The following SLC9A9 variants were observed in gnomAD, a reference collection of about 807,000 sequenced individuals.
SLC9A9 encodes sodium/hydrogen exchanger 9.
SLC9A9 carries 62 observed loss-of-function variants against 77.8 expected under a neutral mutation model. That is an observed-to-expected ratio of 0.80 (90% CI 0.65 to 0.98). SLC9A9 has a LOEUF of 0.98. SLC9A9 is among the 50% of genes least tolerant of loss of function. The pLI is 0.00. For synonymous variants in SLC9A9, 320 were observed against 283.5 expected, an observed-to-expected ratio of 1.13 and a Z score of -1.29; for missense variants, 775 against 774.9, an observed-to-expected ratio of 1.00 and a Z score of 0.00.
At chr3:143,679,602 A>C (rs577945070) in intron 5 of SLC9A9, among the ~76,000 whole-genome samples, 1 of 152,318 alleles carries the variant, frequency 6.6e-6, no homozygotes, top group South Asian at 2.1e-4. Context: ...TCCACAGTTA[A>C]TGTGTTCTGA....
At chr3:143,645,875 G>A (rs1001346333) in intron 6 of SLC9A9, among the ~76,000 whole-genome samples, 2 of 151,902 alleles carry the variant, frequency 1.3e-5, no homozygotes, top group Non-Finnish European at 2.9e-5. Flanking sequence ...CCAAGAGTCA[G>A]CTGTTTAATG....
At chr3:143,771,633 T>C (rs951862682) in intron 4 of SLC9A9, among the ~76,000 whole-genome samples, 1 of 152,234 alleles carries the variant, frequency 6.6e-6, no homozygotes, top group Admixed American at 6.5e-5. Context: ...TCATTTAAAC[T>C]GCAGGAAACA....
At chr3:143,455,284 T>C (rs2035071064) in intron 12 of SLC9A9, among the ~76,000 whole-genome samples, 1 of 152,230 alleles carries the variant, frequency 6.6e-6, no homozygotes, top group South Asian at 2.1e-4. Flanking sequence ...TATATGTCTA[T>C]CCCTTTGTCA....
chr3:143,790,571 A>T (rs1211698775), intron 4 of SLC9A9, among the ~76,000 whole-genome samples: 1 of 152,210 alleles, frequency 6.6e-6, no homozygotes, highest in Non-Finnish European at 1.5e-5. Context: ...GAGGAGGAGA[A>T]GGACAAGGAG....
chr3:143,350,462 T>C (rs6775025), intron 14 of SLC9A9, among the ~76,000 whole-genome samples: 18,431 of 152,196 alleles, frequency 0.12, 1,253 homozygotes, highest in South Asian at 0.17. Flanking sequence ...CAGATTTCCG[T>C]GAACACATCT....
At chr3:143,769,713 T>C (rs1183304222) in intron 4 of SLC9A9, among the ~76,000 whole-genome samples, 1 of 152,094 alleles carries the variant, frequency 6.6e-6, no homozygotes, top group Non-Finnish European at 1.5e-5. Flanking sequence ...AACATTAATA[T>C]CCCAGGAAAA....
intron 12 of SLC9A9, among the ~76,000 whole-genome samples, chr3:143,417,611 G>A (rs2034221020): frequency 6.6e-6 from 1 of 151,930 alleles, no homozygotes. Flanking sequence ...CTCTCCACAT[G>A]GAAGCACCAA....
intron 8 of SLC9A9, among the ~76,000 whole-genome samples, chr3:143,567,510 T>A (rs896406306): frequency 6.6e-6 from 1 of 152,162 alleles, no homozygotes; most frequent in African/African-American, 2.4e-5. Context: ...TGCACTTGTA[T>A]ATTTCAAGCA....
At chr3:143,636,523 T>A (rs1210193659) in intron 6 of SLC9A9, among the ~76,000 whole-genome samples, 2 of 152,246 alleles carry the variant, frequency 1.3e-5, no homozygotes, top group Non-Finnish European at 2.9e-5. Flanking sequence ...TTATTACATG[T>A]GTATATTGCA....
chr3:143,831,649 T>G (rs1468783698), intron 2 of SLC9A9, among the ~76,000 whole-genome samples: 1 of 152,238 alleles, frequency 6.6e-6, no homozygotes, highest in Non-Finnish European at 1.5e-5. Flanking sequence ...AGATTTGAAC[T>G]GCACTTTCAG....
intron 14 of SLC9A9, among the ~76,000 whole-genome samples, chr3:143,320,379 T>A (rs2031375936): frequency 6.6e-6 from 1 of 152,238 alleles, no homozygotes; most frequent in Admixed American, 6.5e-5. Flanking sequence ...TATGTGTTAG[T>A]CTTCTTGTGT....
At chr3:143,380,439 C>T (rs35004110) in intron 13 of SLC9A9, among the ~76,000 whole-genome samples, 53,302 of 141,960 alleles carry the variant, frequency 0.38, 9,488 homozygotes, top group Non-Finnish European at 0.41. Context: ...AAAAGGTATA[C>T]AAGAAGGACA....
rs2037929624 is a variant in SLC9A9 at position 143,606,444 on chromosome 3, A to ATATATG, written c.756-27722_756-27721insCATATA. Reference sequence around the variant, plus strand: ...TCTCTCTCTCTCTCTCTCTATATATATATATATATATATATATGTATATAA... The same window carrying ATATATG: ...TCTCTCTCTCTCTCTCTCTATATATATATATGTATATATATATATATATGTATATAA... On this transcript the variant is annotated intron_variant, in intron 6 of 15. Transcript: ENST00000316549. Among the ~76,000 whole-genome samples the ATATATG allele has an allele frequency of 2.5e-5, 3 of 119,062 alleles. No homozygotes were observed. In the Admixed American group the frequency reaches 2.6e-4, roughly 10 times the overall value. The allele number at this position is 119,062 out of a possible 152,430, so 78.1% of individuals were successfully genotyped here.
At chr3:143,823,012 A>G (rs1185948611) in intron 2 of SLC9A9, among the ~76,000 whole-genome samples, 1 of 151,970 alleles carries the variant, frequency 6.6e-6, no homozygotes, top group Non-Finnish European at 1.5e-5. Context: ...CTGAGGTTAG[A>G]TGCTTGGTTA....
intron 9 of SLC9A9, among the ~76,000 whole-genome samples, chr3:143,524,638 T>G (rs1470141053): frequency 6.6e-6 from 1 of 152,164 alleles, no homozygotes; most frequent in Non-Finnish European, 1.5e-5. Context: ...GACTAATTTG[T>G]TTAGTTAGAT....
At chr3:143,628,225 C>T (rs889142797) in intron 6 of SLC9A9, among the ~76,000 whole-genome samples, 4 of 152,188 alleles carry the variant, frequency 2.6e-5, no homozygotes, top group East Asian at 1.9e-4. Context: ...AGATGCACCT[C>T]CACTTACGAT....
chr3:143,623,394 C>A (rs944818996), intron 6 of SLC9A9, among the ~76,000 whole-genome samples: 3 of 152,136 alleles, frequency 2.0e-5, no homozygotes, highest in Non-Finnish European at 2.9e-5. Context: ...TGTAAAAGAA[C>A]AGAAATTATA....
intron 11 of SLC9A9, among the ~76,000 whole-genome samples, chr3:143,484,698 A>T (rs1421181396): frequency 1.3e-5 from 2 of 152,172 alleles, no homozygotes; most frequent in Non-Finnish European, 2.9e-5. Flanking sequence ...CATGATTTTG[A>T]TTTAACTTTT....
intron 12 of SLC9A9, among the ~76,000 whole-genome samples, chr3:143,382,538 CAG>C (rs895803944): frequency 3.3e-5 from 5 of 152,170 alleles, no homozygotes; most frequent in African/African-American, 1.2e-4. Context: ...GCAGAGTAAA[CAG>C]AACGTTTTTC....
Sources: allele counts gnomAD v4.1 joint callset (sites outside exome capture counted in the v4.1 genomes callset), GRCh38; gene constraint gnomAD v4.1.1; transcripts MANE v1.5; gene names NCBI Gene and HGNC (gene_info 2026-07-23, HGNC 2026-07-21).